RIN2: variants seen among roughly 807,000 people sequenced by gnomAD.
RIN2 encodes Ras and Rab interactor 2.
In RIN2, 36 loss-of-function variants were observed where a neutral mutation model predicts 78.0. The ratio of observed to expected loss-of-function variants is 0.46; its 90% CI spans 0.35 to 0.61. The LOEUF (loss-of-function observed/expected upper bound fraction) is 0.61. RIN2 is among the 20% of genes least tolerant of loss of function. The pLI, the probability that RIN2 is intolerant of heterozygous loss-of-function variation, is 0.00. For synonymous variants in RIN2, 466 were observed against 466.8 expected (o/e 1.00, Z 0.02); for missense variants, 1,087 against 1,159.7 (o/e 0.94, Z 0.91).
At chr20:19,828,215 T>C (rs1173932246) in intron 2 of RIN2, among the ~76,000 whole-genome samples, 1 of 152,232 alleles carries the variant, frequency 6.6e-6, no homozygotes, top group Non-Finnish European at 1.5e-5. Flanking sequence ...ACAAAATTTA[T>C]CAGCACAACT....
At chr20:19,927,006 T>G (rs1355953155) in intron 3 of RIN2, among the ~76,000 whole-genome samples, 1 of 152,208 alleles carries the variant, frequency 6.6e-6, no homozygotes, top group African/African-American at 2.4e-5. Context: ...ATACAACAAC[T>G]TTTCTCTCTA....
At chr20:19,852,572 T>A (rs6035457) in intron 2 of RIN2, among the ~76,000 whole-genome samples, 88,773 of 151,966 alleles carry the variant, frequency 0.58, 26,424 homozygotes, top group African/African-American at 0.64. Context: ...GCCTGAGGCC[T>A]CCCTTTCCAC....
chr20:19,782,810 T>A (rs897782009), intron 1 of RIN2, among the ~76,000 whole-genome samples: 5 of 152,202 alleles, frequency 3.3e-5, no homozygotes, highest in African/African-American at 1.2e-4. Context: ...GTCTTAATTA[T>A]TAAGGTATTT....
intron 1 of RIN2, among the ~76,000 whole-genome samples, chr20:19,788,180 A>G (rs1022047020): frequency 6.6e-6 from 1 of 152,168 alleles, no homozygotes; most frequent in East Asian, 1.9e-4. Flanking sequence ...AGCGTGCCCT[A>G]TCACTCTTAT....
intron 3 of RIN2, among the ~76,000 whole-genome samples, chr20:19,931,252 T>A (rs1013726349): frequency 3.9e-5 from 6 of 152,224 alleles, no homozygotes; most frequent in African/African-American, 9.6e-5. Flanking sequence ...AAACATACAG[T>A]ACAGTTTTGC....
chr20:19,845,943 T>C (rs1600601885), intron 2 of RIN2, among the ~76,000 whole-genome samples: 1 of 152,366 alleles, frequency 6.6e-6, no homozygotes, highest in Non-Finnish European at 1.5e-5. Flanking sequence ...GTTTTCTGCA[T>C]ATGGCTAGCC....
intron 2 of RIN2, among the ~76,000 whole-genome samples, chr20:19,871,613 GGTTT>G (rs2037691027): frequency 6.6e-6 from 1 of 152,196 alleles, no homozygotes; most frequent in African/African-American, 2.4e-5. Context: ...GCTTGTTCTA[GGTTT>G]GGCTGGGAGT....
At chr20:19,963,950 A>G (rs369202344) in intron 6 of RIN2, among the ~76,000 whole-genome samples, 1 of 135,128 alleles carries the variant, frequency 7.4e-6, no homozygotes, top group East Asian at 2.2e-4. Flanking sequence ...TGCAACGTCC[A>G]CCTCCCAGGT....
intron 1 of RIN2, among the ~76,000 whole-genome samples, chr20:19,795,789 T>C (rs2035035694): frequency 6.6e-6 from 1 of 152,064 alleles, no homozygotes; most frequent in African/African-American, 2.4e-5. Context: ...CCATGCATCA[T>C]GGGCAAAGGA....
intron 9 of RIN2, among the ~76,000 whole-genome samples, chr20:19,986,668 CT>C (rs1158413544): frequency 6.6e-6 from 1 of 152,166 alleles, no homozygotes; most frequent in Admixed American, 6.5e-5. Context: ...AGCTGCGAGC[CT>C]TTTGGGGATG....
chr20:19,887,665 G>C (rs192559150), intron 2 of RIN2, among the ~76,000 whole-genome samples: 1 of 152,174 alleles, frequency 6.6e-6, no homozygotes. Flanking sequence ...CTCCAATGCT[G>C]TAGGCAAAAT....
At chr20:19,867,682 C>G (rs2037551710) in intron 2 of RIN2, among the ~76,000 whole-genome samples, 1 of 152,156 alleles carries the variant, frequency 6.6e-6, no homozygotes, top group African/African-American at 2.4e-5. Flanking sequence ...CTCCTCAGTC[C>G]CAGATATCAG....
At chr20:19,901,559 C>T (rs1356361372) in intron 3 of RIN2, among the ~76,000 whole-genome samples, 2 of 152,186 alleles carry the variant, frequency 1.3e-5, no homozygotes, top group Admixed American at 6.5e-5. Context: ...ACTCAAACTC[C>T]GTTGTTGGTA....
chr20:19,959,305 C>T (rs978915539), intron 5 of RIN2, among the ~76,000 whole-genome samples: 6 of 152,118 alleles, frequency 3.9e-5, no homozygotes, highest in African/African-American at 1.4e-4. Context: ...CCCCAAGGCT[C>T]AGGGAGATCT....
Position 19,792,866 on chromosome 20 carries a change from G to A in RIN2, c.-162-6756G>A, listed in dbSNP as rs550357865. Among the ~76,000 whole-genome samples the A allele has an allele frequency of 2.0e-5, 3 of 152,202 alleles. No homozygotes were observed. The East Asian group carries it at 5.8e-4, about 29-fold the overall frequency. ...GCAATTGCCTATTATGTTTTGAGGT[G>A]GATCTTAAAAGTTTGGCAGGATGGT... On this transcript the variant is annotated intron_variant, in intron 1 of 12. Coordinates refer to ENST00000255006, the MANE Select transcript of RIN2 (RefSeq NM_018993.4).
At chr20:19,794,532 CA>C (rs10530809) in intron 1 of RIN2, among the ~76,000 whole-genome samples, 106 of 88,560 alleles carry the variant, frequency 1.2e-3, no homozygotes, top group African/African-American at 3.7e-3. Context: ...ACCCTGTATC[CA>C]AAAAAAAAAA....
chr20:19,860,402 G>A (rs1234119982), intron 2 of RIN2, among the ~76,000 whole-genome samples: 1 of 151,936 alleles, frequency 6.6e-6, no homozygotes, highest in Non-Finnish European at 1.5e-5. Context: ...TCGGCTCACT[G>A]CAACCTCCAC....
In RIN2 at chr20:20,000,999, T is replaced by G; in HGVS notation, c.*63T>G. 7.0e-7 allele frequency: 1 copy of G among 1,434,576 alleles called. No individual in the cohort carries two copies. Among genetic ancestry groups the G allele is most frequent in the Non-Finnish European group, 9.5e-7 (1 of 1,054,680 alleles). The allele number at this position is 1,434,576 out of a possible 1,614,324, so 88.9% of individuals were successfully genotyped here. ...GAGCTGGAAGCCTTGCCTTCCCGCT[T>G]CTACATGCTTGAGCTTGAAAAGCAG... is the stretch of plus-strand genomic sequence containing the variant. On this transcript the variant is annotated 3_prime_UTR_variant, in exon 13 of 13. Transcript: ENST00000255006.
intron 3 of RIN2, among the ~76,000 whole-genome samples, chr20:19,919,854 C>G (rs1007256615): frequency 6.6e-6 from 1 of 152,044 alleles, no homozygotes; most frequent in Non-Finnish European, 1.5e-5. Flanking sequence ...TTTTTCTTCC[C>G]TATTGTAGAC....
Sources: gnomAD v4.1 joint callset for allele counts (sites outside exome capture counted in the v4.1 genomes callset) on GRCh38, gnomAD v4.1.1 for gene constraint, MANE v1.5 for transcripts, NCBI Gene and HGNC (gene_info 2026-07-23, HGNC 2026-07-21) for gene names.